ATRNL1: variants seen among roughly 807,000 people sequenced by gnomAD.
ATRNL1 encodes attractin-like protein 1.
A neutral mutation model predicts 182.7 loss-of-function variants in ATRNL1; 95 were observed. The ratio of observed to expected loss-of-function variants is 0.52; its 90% CI spans 0.44 to 0.62. ATRNL1 has a LOEUF of 0.62. Ranked by LOEUF, ATRNL1 falls within the 20% of genes least tolerant of loss-of-function variation. The pLI is 0.00. For missense variants in ATRNL1, 1,471 were observed against 1,679.5 expected (o/e 0.88, Z 2.17); for synonymous variants, 576 against 568.3 (o/e 1.01, Z -0.19).
intron 26 of ATRNL1, among the ~76,000 whole-genome samples, chr10:115,606,945 C>T (rs940770819): frequency 1.8e-4 from 28 of 151,858 alleles, no homozygotes; most frequent in Admixed American, 1.2e-3. Flanking sequence ...TAACTGTCAG[C>T]GTTTGTTACA....
chr10:115,915,983 T>C (rs892286442), intron 28 of ATRNL1, among the ~76,000 whole-genome samples: 20 of 152,230 alleles, frequency 1.3e-4, no homozygotes, highest in African/African-American at 4.3e-4. Flanking sequence ...CAGTTCTCAT[T>C]GATTTCAATG....
intron 28 of ATRNL1, among the ~76,000 whole-genome samples, chr10:115,866,253 G>A (rs1555104743): frequency 6.6e-6 from 1 of 152,080 alleles, no homozygotes; most frequent in African/African-American, 2.4e-5. Flanking sequence ...CGAACATGGT[G>A]TTCTGAACAA....
intron 1 of ATRNL1, among the ~76,000 whole-genome samples, chr10:115,115,718 T>C (rs1554869732): frequency 6.6e-6 from 1 of 152,128 alleles, no homozygotes; most frequent in Non-Finnish European, 1.5e-5. Context: ...ACTAAACCTA[T>C]ATTCTGTGAT....
intron 17 of ATRNL1, among the ~76,000 whole-genome samples, 166 bp downstream of exon 17, chr10:115,302,209 TATC>T (rs1245310462): frequency 6.6e-6 from 1 of 152,324 alleles, no homozygotes; most frequent in East Asian, 1.9e-4. Context: ...ATTTTTATTA[TATC>T]ATCATTTTGC....
intron 26 of ATRNL1, among the ~76,000 whole-genome samples, chr10:115,661,052 C>T (rs1260131454): frequency 6.6e-6 from 1 of 152,130 alleles, no homozygotes; most frequent in East Asian, 1.9e-4. Context: ...TTCTTACTAG[C>T]TTGATCCCTA....
chr10:115,310,941 C>G (rs782797317), intron 17 of ATRNL1, among the ~76,000 whole-genome samples: 1 of 152,042 alleles, frequency 6.6e-6, no homozygotes, highest in Non-Finnish European at 1.5e-5. Flanking sequence ...CTTTTTGATG[C>G]AGGCATTTAG....
chr10:115,391,443 G>T lies in ATRNL1; in HGVS notation c.3176-3216G>T, dbSNP rs553757089. Among the ~76,000 whole-genome samples, 53 of 152,242 alleles carry T rather than the reference G, an allele frequency of 3.5e-4. No individual in the cohort carries two copies. The South Asian group carries it at 3.7e-3, about 11-fold the overall frequency. ...GCCAGCATGGAGCTTGGGACTGTGG[G>T]GTCATGCTTGACCTTGGGTTCAGTG... On this transcript the variant is annotated intron_variant, in intron 19 of 28. Coordinates refer to ENST00000355044, the MANE Select transcript of ATRNL1 (RefSeq NM_207303.4).
intron 25 of ATRNL1, among the ~76,000 whole-genome samples, chr10:115,533,309 C>T (rs1240131888): frequency 2.6e-5 from 4 of 152,066 alleles, no homozygotes; most frequent in African/African-American, 7.3e-5. Context: ...AGAGATTCAA[C>T]TTCTTCTTGG....
rs551146326 is a variant in ATRNL1 at position 115,564,306 on chromosome 10, A to G, written c.3795+14770A>G. On this transcript the variant is annotated intron_variant, in intron 26 of 28. Coordinates refer to ENST00000355044, the MANE Select transcript of ATRNL1 (RefSeq NM_207303.4). Reference sequence around the variant, plus strand: ...CTGAAATCCACTGTTACTATATTGTAACAATTATGAAGCATTGTAACCAGT... The same window carrying G: ...CTGAAATCCACTGTTACTATATTGTGACAATTATGAAGCATTGTAACCAGT... Among the ~76,000 whole-genome samples the G allele has an allele frequency of 3.3e-5, 5 of 152,124 alleles. No homozygotes were observed. The South Asian group carries it at 1.0e-3, about 32-fold the overall frequency.
chr10:115,125,417 C>T (rs376056408), intron 3 of ATRNL1, among the ~76,000 whole-genome samples: 3 of 152,046 alleles, frequency 2.0e-5, no homozygotes, highest in East Asian at 3.9e-4. Context: ...GCTTGTACAC[C>T]ACACTAAAGA....
intron 17 of ATRNL1, among the ~76,000 whole-genome samples, chr10:115,313,877 C>A (rs1167136881): frequency 6.6e-6 from 1 of 152,154 alleles, no homozygotes; most frequent in African/African-American, 2.4e-5. Flanking sequence ...TAGATATTTT[C>A]CCTTATGTCC....
intron 17 of ATRNL1, among the ~76,000 whole-genome samples, chr10:115,307,505 G>T (rs1853794230): frequency 6.6e-6 from 1 of 152,090 alleles, no homozygotes; most frequent in Non-Finnish European, 1.5e-5. Context: ...CAAGTAATCT[G>T]CCCACCTTGG....
chr10:115,161,879 T>C (rs1015209633), intron 6 of ATRNL1, among the ~76,000 whole-genome samples: 4 of 152,118 alleles, frequency 2.6e-5, no homozygotes, highest in Non-Finnish European at 5.9e-5. Flanking sequence ...TAACTTGATT[T>C]AATCATCTTC....
chr10:115,139,021 C>G (rs1554877362), intron 5 of ATRNL1, among the ~76,000 whole-genome samples: 1 of 152,200 alleles, frequency 6.6e-6, no homozygotes, highest in Non-Finnish European at 1.5e-5. Context: ...CTCCACAAAT[C>G]TCTAGGGCAG....
At chr10:115,822,810 G>A (rs1432699978) in intron 27 of ATRNL1, among the ~76,000 whole-genome samples, 2 of 152,042 alleles carry the variant, frequency 1.3e-5, no homozygotes, top group African/African-American at 2.4e-5. Context: ...ACCAAAAAAA[G>A]CCCAGGACCA....
rs1555080605 is a variant in ATRNL1 at position 115,787,248 on chromosome 10, A to G, written c.3903+59893A>G. On this transcript the variant is annotated intron_variant, in intron 27 of 28. Coordinates refer to ENST00000355044, the MANE Select transcript of ATRNL1 (RefSeq NM_207303.4). ...TTGAAGGTCATTCTTTAAGAAAAGA[A>G]TGATATCTAAGACTGTAAATTCATT... Among the ~76,000 whole-genome samples the G allele has an allele frequency of 3.3e-5, 5 of 152,160 alleles. No homozygotes were observed. The South Asian group carries it at 8.3e-4, about 25-fold the overall frequency.
intron 26 of ATRNL1, among the ~76,000 whole-genome samples, chr10:115,590,895 C>T (rs187131158): frequency 6.6e-6 from 1 of 152,242 alleles, no homozygotes; most frequent in Admixed American, 6.5e-5. Flanking sequence ...CAAATCTTTG[C>T]TGAGGTTTTC....
chr10:115,192,114 G>A (rs1848192424), intron 8 of ATRNL1, among the ~76,000 whole-genome samples: 1 of 151,816 alleles, frequency 6.6e-6, no homozygotes, highest in Non-Finnish European at 1.5e-5. Context: ...TGATGCCTTT[G>A]CCCATTTTTT....
At chr10:115,265,156 T>C (rs1554910135) in intron 10 of ATRNL1, 37 bp from the exon 11 acceptor site, 1 of 1,317,290 alleles carries the variant, frequency 7.6e-7, no homozygotes, top group Non-Finnish European at 1.1e-6. Context: ...TTTATTCTTT[T>C]ATTTCATTTT....
Sources: allele counts gnomAD v4.1 joint callset (sites outside exome capture counted in the v4.1 genomes callset), GRCh38; gene constraint gnomAD v4.1.1; transcripts MANE v1.5; gene names NCBI Gene and HGNC (gene_info 2026-07-23, HGNC 2026-07-21).